Variants in IP6K3 observed in about 807,000 individuals in gnomAD.
The protein encoded by IP6K3 is ATP:1D-myo-inositol-hexakisphosphate phosphotransferase.
Under a neutral mutation model 28.8 loss-of-function variants are expected in IP6K3, and 20 were observed. The observed-to-expected ratio is 0.70, with a 90% CI of 0.49 to 1.01. IP6K3 has a LOEUF of 1.01. Among genes scored for constraint, IP6K3 ranks in the 50% least tolerant of loss-of-function variants. The pLI, the probability that IP6K3 is intolerant of heterozygous loss-of-function variation, is 0.00. For synonymous variants in IP6K3, 213 were observed against 221.3 expected (o/e 0.96, Z 0.33); for missense variants, 480 against 537.1 (o/e 0.89, Z 1.05).
At position 33,726,774 on chromosome 6, in the gene IP6K3, G is replaced by A. The variant is rs774810319; in HGVS notation, c.546C>T (p.His182=). The A allele has an allele frequency of 1.2e-5, 19 of 1,607,580 alleles. No individual in the cohort carries two copies. Among genetic ancestry groups the A allele is most frequent in the Middle Eastern group, 1.7e-4 (1 of 5,896 alleles). Residue 182 remains histidine, a synonymous_variant, in exon 4 of 6, where the codon CAC becomes CAT. Coordinates refer to ENST00000293756, the MANE Select transcript of IP6K3 (RefSeq NM_054111.5). ...NPWGLQCHQA[H]LTRLCSEYPE... is the part of the protein sequence containing the mutation. ...GGTACTCGGAGCACAGGCGGGTCAG[G>A]TGGGCCTGGTGGCATTGCAGGCCCC... is the stretch of plus-strand genomic sequence containing the variant.
chr6:33,727,914 G>T, intron 3 of IP6K3, 173 bp downstream of exon 3: 1 of 985,402 alleles, frequency 1.0e-6, no homozygotes, highest in Non-Finnish European at 1.2e-6. Context: ...GTGACATAAA[G>T]AAAATCCATT....
chr6:33,754,910 T>C, the IP6K3 span, among the ~76,000 whole-genome samples: 2 of 152,326 alleles, frequency 1.3e-5, no homozygotes, highest in South Asian at 4.1e-4. Context: ...CCAGTAACTT[T>C]GTGAGGAAAG....
At chr6:33,752,903 A>T in the IP6K3 span, among the ~76,000 whole-genome samples, 72 of 152,354 alleles carry the variant, frequency 4.7e-4, no homozygotes, top group Non-Finnish European at 7.1e-4. Flanking sequence ...AGCACAGTGT[A>T]TCAAACAGCA....
Position 33,722,951 on chromosome 6 carries a change from T to C in IP6K3, c.1002A>G (p.Glu334=), listed in dbSNP as rs376562816. Residue 334 remains glutamate, a synonymous_variant, in exon 6 of 6, where the codon GAA becomes GAG. Coordinates refer to ENST00000293756, the MANE Select transcript of IP6K3 (RefSeq NM_054111.5). ...GGCTGCCTGGGGCTCTTTCTGGTGG[T>C]TCCTGCCCATCATAGATGACAAGGA... ...SSLLVIYDGQ[E]PPERAPGSPH... is the part of the protein sequence containing the mutation. 4 of 1,613,772 alleles carry C rather than the reference T, an allele frequency of 2.5e-6. No individual in the cohort carries two copies. The highest frequency in any genetic ancestry group is 3.4e-6 in the Non-Finnish European group (4 of 1,179,972).
chr6:33,749,857 C>T (rs1459270766), upstream of IP6K3, among the ~76,000 whole-genome samples: 1 of 152,084 alleles, frequency 6.6e-6, no homozygotes, highest in Non-Finnish European at 1.5e-5. Context: ...CTAGCCTGGT[C>T]CTGACTTCTG....
chr6:33,756,175 T>A, the IP6K3 span, among the ~76,000 whole-genome samples: 4 of 152,238 alleles, frequency 2.6e-5, no homozygotes, highest in African/African-American at 7.2e-5. Context: ...AAAATTTTTT[T>A]AAAAAGTAAA....
At chr6:33,727,191 C>A (rs1766151192) in intron 3 of IP6K3, among the ~76,000 whole-genome samples, 1 of 152,142 alleles carries the variant, frequency 6.6e-6, no homozygotes, top group African/African-American at 2.4e-5. Flanking sequence ...TGTAAGTGAT[C>A]TGGATTATTA....
chr6:33,726,097 G>A (rs1766100179), intron 4 of IP6K3, among the ~76,000 whole-genome samples: 2 of 152,224 alleles, frequency 1.3e-5, no homozygotes, highest in Non-Finnish European at 2.9e-5. Flanking sequence ...GATTGCAGAT[G>A]TGTCTTGGTA....
chr6:33,728,086 C>T lies in IP6K3; in HGVS notation c.413+1G>A, dbSNP rs1304996498. ...TCTGTCATCCTGCCCAGTGCCCTCA[C>T]CTCTCCTTGGGTGAGCGTGCCAGCT... On this transcript the variant is annotated splice_donor_variant, in intron 3 of 5. Transcript: ENST00000293756. LOFTEE classifies it high-confidence loss of function. 7.5e-6 allele frequency: 12 copies of T among 1,602,728 alleles called. No homozygotes were observed. In the South Asian group the frequency reaches 1.1e-4, roughly 15 times the overall value.
At position 33,739,483 on chromosome 6, in the gene IP6K3, G is replaced by A. The variant is rs539263458; in HGVS notation, c.-179-3828C>T. Among the ~76,000 whole-genome samples, 16 of 152,284 alleles carry A rather than the reference G, an allele frequency of 1.1e-4. No individual in the cohort carries two copies. The East Asian group carries it at 2.9e-3, about 28-fold the overall frequency. ...GCTTCAGCTGGGGCTGGGCAGGGTG[G>A]GTTTCGCCGCTGCTCGGGAAGGCAG... On this transcript the variant is annotated intron_variant, in intron 1 of 5. Coordinates refer to ENST00000293756, the MANE Select transcript of IP6K3 (RefSeq NM_054111.5).
the IP6K3 span, among the ~76,000 whole-genome samples, chr6:33,759,585 C>T: frequency 6.0e-4 from 92 of 152,206 alleles, no homozygotes; most frequent in Admixed American, 2.2e-3. Flanking sequence ...AGGGGAAGGC[C>T]GGGCGTGGTG....
In IP6K3 at chr6:33,722,516, G is replaced by A. The variant is rs1380692530; in HGVS notation, c.*204C>T. ...CTGTTCTCCGATGAGCAGCATTAGAGCATAATGCCAGGGGATGTGGAATCA... is the reference window on the plus strand; with the variant it reads ...CTGTTCTCCGATGAGCAGCATTAGAACATAATGCCAGGGGATGTGGAATCA... On this transcript the variant is annotated 3_prime_UTR_variant, in exon 6 of 6. Coordinates refer to ENST00000293756, the MANE Select transcript of IP6K3 (RefSeq NM_054111.5). The A allele has an allele frequency of 4.1e-6, 2 of 493,176 alleles. No individual in the cohort carries two copies. The highest frequency in any genetic ancestry group is 7.2e-6 in the Non-Finnish European group (2 of 278,694). 30.6% of individuals were successfully genotyped at this position (493,176 alleles called of 1,614,324 possible).
At chr6:33,743,865 C>CT (rs146490272) in intron 1 of IP6K3, among the ~76,000 whole-genome samples, 49 of 146,074 alleles carry the variant, frequency 3.4e-4, no homozygotes, top group Admixed American at 1.4e-3. Context: ...TTTTTTTTTT[C>CT]TTTTTTTTTT....
chr6:33,723,251 G>A (rs1285662576), intron 5 of IP6K3, 64 bp from the exon 6 acceptor site: 3 of 1,094,778 alleles, frequency 2.7e-6, no homozygotes, highest in Non-Finnish European at 3.9e-6. Context: ...TATCTGGTAC[G>A]GTTGCAGCAT....
chr6:33,729,287 G>A (rs1227160093), intron 2 of IP6K3, among the ~76,000 whole-genome samples: 1 of 152,248 alleles, frequency 6.6e-6, no homozygotes, highest in African/African-American at 2.4e-5. Flanking sequence ...TAGTAGCACA[G>A]GAGATGGCCA....
intron 2 of IP6K3, among the ~76,000 whole-genome samples, chr6:33,734,054 T>C (rs1435005028): frequency 6.6e-6 from 1 of 151,818 alleles, no homozygotes; most frequent in Non-Finnish European, 1.5e-5. Flanking sequence ...AATACAAAAA[T>C]TGGCCGAGCA....
intron 2 of IP6K3, among the ~76,000 whole-genome samples, chr6:33,732,699 G>A (rs931024193): frequency 5.3e-5 from 8 of 152,220 alleles, no homozygotes; most frequent in African/African-American, 1.7e-4. Flanking sequence ...ATGACAGGGC[G>A]GATAAAGGTC....
Position 33,735,275 on chromosome 6 carries a change from C to A in IP6K3, c.199+3G>T, listed in dbSNP as rs1766475110. 1.2e-6 allele frequency: 2 copies of A among 1,611,980 alleles called. No homozygotes were observed. Among genetic ancestry groups the A allele is most frequent in the African/African-American group, 2.7e-5 (2 of 74,874 alleles). ...GACGTGGCCTGGCTGCCTAGACACT[C>A]ACCTTTGTACTGTGGGGTGAACCGC... On this transcript the variant is annotated splice_donor_region_variant and intron_variant, in intron 2 of 5. Transcript: ENST00000293756.
intron 1 of IP6K3, among the ~76,000 whole-genome samples, chr6:33,743,060 C>T (rs951451697): frequency 3.3e-5 from 5 of 152,042 alleles, no homozygotes; most frequent in African/African-American, 1.2e-4. Context: ...AGCAGCAGGG[C>T]GTCTGCAGAG....
Sources: gnomAD v4.1 joint callset for allele counts (sites outside exome capture counted in the v4.1 genomes callset) on GRCh38, gnomAD v4.1.1 for gene constraint, MANE v1.5 for transcripts, NCBI Gene and HGNC (gene_info 2026-07-23, HGNC 2026-07-21) for gene names.